The following ARB2A variants were observed in gnomAD, a reference collection of about 807,000 sequenced individuals.
ARB2A encodes cotranscriptional regulator ARB2A.
At chr5:93,925,019 A>G in the ARB2A span, among the ~76,000 whole-genome samples, 1 of 152,188 alleles carries the variant, frequency 6.6e-6, no homozygotes, top group African/African-American at 2.4e-5. Context: ...CATTAAGGTG[A>G]TCAATCTTAC....
the ARB2A span, among the ~76,000 whole-genome samples, chr5:94,080,271 TA>T: frequency 6.6e-6 from 1 of 152,102 alleles, no homozygotes; most frequent in Admixed American, 6.6e-5. Context: ...AATTCTATAG[TA>T]AAAATAAATA....
chr5:93,716,529 T>C, the ARB2A span, among the ~76,000 whole-genome samples: 1 of 151,994 alleles, frequency 6.6e-6, no homozygotes, highest in Admixed American at 6.5e-5. Flanking sequence ...AAATCAAAAC[T>C]TGTTATTTTA....
At chr5:93,983,642 T>A in the ARB2A span, among the ~76,000 whole-genome samples, 2 of 152,134 alleles carry the variant, frequency 1.3e-5, no homozygotes, top group Non-Finnish European at 2.9e-5. Flanking sequence ...ATTCATAGTT[T>A]CAAGTATCTT....
chr5:93,879,356 C>A, the ARB2A span, among the ~76,000 whole-genome samples: 1 of 151,912 alleles, frequency 6.6e-6, no homozygotes, highest in African/African-American at 2.4e-5. Flanking sequence ...AAAAACATTT[C>A]ATAACTAAGA....
At chr5:93,819,185 C>CA in the ARB2A span, among the ~76,000 whole-genome samples, 73,388 of 93,164 alleles carry the variant, frequency 0.79, 29,055 homozygotes, top group East Asian at 0.92. Context: ...AACTCCGTCT[C>CA]AAAAAAAAAA....
chr5:93,637,354 GTTT>G, the ARB2A span, among the ~76,000 whole-genome samples: 146 of 116,094 alleles, frequency 1.3e-3, no homozygotes, highest in African/African-American at 3.7e-3. Context: ...GGGTTGTTTA[GTTT>G]TTTTTTTTTT....
At chr5:93,924,234 AC>A in the ARB2A span, among the ~76,000 whole-genome samples, 1 of 152,168 alleles carries the variant, frequency 6.6e-6, no homozygotes, top group South Asian at 2.1e-4. Context: ...AAGTGAAAAA[AC>A]AAAAGGGTGT....
chr5:93,791,282 C>A, the ARB2A span, among the ~76,000 whole-genome samples: 2 of 152,156 alleles, frequency 1.3e-5, no homozygotes, highest in Non-Finnish European at 2.9e-5. Context: ...ATAGAGTCTC[C>A]TTTCCCTGTT....
At chr5:93,760,207 C>G in the ARB2A span, among the ~76,000 whole-genome samples, 1 of 152,114 alleles carries the variant, frequency 6.6e-6, no homozygotes, top group Non-Finnish European at 1.5e-5. Flanking sequence ...GTCAGAAGAC[C>G]TCTACAAGAA....
the ARB2A span, among the ~76,000 whole-genome samples, chr5:93,975,420 G>A: frequency 6.6e-6 from 1 of 151,248 alleles, no homozygotes; most frequent in African/African-American, 2.4e-5. Flanking sequence ...ATTCAAAGCT[G>A]GTAGAAGGAA....
At chr5:94,073,737 CAGCAACA>C in the ARB2A span, among the ~76,000 whole-genome samples, 1 of 152,084 alleles carries the variant, frequency 6.6e-6, no homozygotes, top group Non-Finnish European at 1.5e-5. Context: ...GGATCCTTCC[CAGCAACA>C]TACAAGCATG....
chr5:93,913,447 T>G, the ARB2A span, among the ~76,000 whole-genome samples: 1 of 151,938 alleles, frequency 6.6e-6, no homozygotes, highest in Admixed American at 6.6e-5. Context: ...CTTGTCACTT[T>G]CCTTCATTAC....
At chr5:93,753,950 T>C in the ARB2A span, among the ~76,000 whole-genome samples, 1 of 152,150 alleles carries the variant, frequency 6.6e-6, no homozygotes, top group African/African-American at 2.4e-5. Context: ...CAAAGGCATG[T>C]CAAGATCCCC....
chr5:94,050,945 A>G, the ARB2A span: 6 of 722,258 alleles, frequency 8.3e-6, no homozygotes, highest in Non-Finnish European at 1.3e-5. Flanking sequence ...AGAACAGTTT[A>G]TCTTTTTCAT....
the ARB2A span, among the ~76,000 whole-genome samples, chr5:93,920,287 G>A: frequency 1.1e-4 from 16 of 152,038 alleles, no homozygotes; most frequent in African/African-American, 3.6e-4. Flanking sequence ...ACTTCATAAC[G>A]AGCCATAGAG....
At chr5:93,908,113 T>G in the ARB2A span, among the ~76,000 whole-genome samples, 6 of 151,062 alleles carry the variant, frequency 4.0e-5, no homozygotes, top group Non-Finnish European at 8.9e-5. Context: ...AAGAACCCTA[T>G]GCATACAGCA....
the ARB2A span, among the ~76,000 whole-genome samples, chr5:93,702,840 T>C: frequency 6.6e-6 from 1 of 152,244 alleles, no homozygotes; most frequent in African/African-American, 2.4e-5. Context: ...TTTTCAAGTT[T>C]AAGAGTTTCA....
chr5:93,971,594 A>AAAT, the ARB2A span, among the ~76,000 whole-genome samples: 1 of 150,798 alleles, frequency 6.6e-6, no homozygotes, highest in Admixed American at 6.6e-5. Flanking sequence ...ATAAATAAAT[A>AAAT]AATAAATAAA....
At chr5:93,873,477 GA>G in the ARB2A span, among the ~76,000 whole-genome samples, 1 of 150,598 alleles carries the variant, frequency 6.6e-6, no homozygotes, top group Non-Finnish European at 1.5e-5. Context: ...AGGGAAAGGA[GA>G]AAAAAAATCT....
Sources: gnomAD v4.1 joint callset for allele counts (sites outside exome capture counted in the v4.1 genomes callset) on GRCh38, gnomAD v4.1.1 for gene constraint, MANE v1.5 for transcripts, NCBI Gene and HGNC (gene_info 2026-07-23, HGNC 2026-07-21) for gene names.